The following PLEKHA4 variants were observed in gnomAD, a reference collection of about 807,000 sequenced individuals.
PLEKHA4 encodes pleckstrin homology domain containing A4.
PLEKHA4 carries 73 observed loss-of-function variants against 94.7 expected under a neutral mutation model. That is an observed-to-expected ratio of 0.77 (90% confidence interval 0.64 to 0.94). The LOEUF (loss-of-function observed/expected upper bound fraction) is 0.94. PLEKHA4 is among the 40% of genes least tolerant of loss of function. PLEKHA4 has a pLI of 0.00. For synonymous variants in PLEKHA4, 449 were observed against 437.1 expected (o/e 1.03, Z -0.34); for missense variants, 1,049 against 1,054.1 (o/e 1.00, Z 0.07).
chr19:48,839,920 G>A (rs139841985), intron 17 of PLEKHA4, among the ~76,000 whole-genome samples: 2 of 121,788 alleles, frequency 1.6e-5, no homozygotes, highest in Middle Eastern at 4.1e-3. Context: ...TCAATATGGT[G>A]TAAACCCCGT....
chr19:48,861,307 G>C, intron 5 of PLEKHA4, 94 bp downstream of exon 5: 1 of 1,014,326 alleles, frequency 9.9e-7, no homozygotes, highest in East Asian at 2.4e-5. Context: ...ATATTCCAGT[G>C]CTTGTTAGGA....
rs764337241 is a variant in PLEKHA4, at chr19:48,865,662, G to C, written c.85-52C>G. The C allele has an allele frequency of 2.2e-6, 3 of 1,353,682 alleles. No individual in the cohort carries two copies. In the Admixed American group the frequency reaches 5.5e-5, roughly 25 times the overall value. 83.9% of individuals were successfully genotyped at this position (1,353,682 alleles called of 1,614,324 possible). A position where few individuals can be genotyped will look rare whatever the true frequency, so the allele number is the denominator to read the frequency against. ...ACAGGGAGAGCCTAGGATGGTCCTG[G>C]GAGGGGGTGAGGGTGGACACAGGCA... On this transcript the variant is annotated intron_variant, in intron 2 of 19. Coordinates refer to ENST00000263265, the MANE Select transcript of PLEKHA4 (RefSeq NM_020904.3).
chr19:48,842,720 C>T (rs766309372), intron 16 of PLEKHA4, among the ~76,000 whole-genome samples: 1 of 152,130 alleles, frequency 6.6e-6, no homozygotes, highest in Non-Finnish European at 1.5e-5. Flanking sequence ...CAGAAGTAAG[C>T]CCCTTCTCCA....
intron 16 of PLEKHA4, chr19:48,844,317 G>A (rs1302817159): frequency 3.0e-6 from 1 of 334,236 alleles, no homozygotes; most frequent in Non-Finnish European, 4.2e-6. Context: ...ATCACGCTCG[G>A]ATAATTTTTG....
intron 5 of PLEKHA4, 148 bp downstream of exon 5, chr19:48,861,253 G>GAAT (rs2036627022): frequency 1.3e-6 from 1 of 742,976 alleles, no homozygotes; most frequent in Non-Finnish European, 2.4e-6. Flanking sequence ...AACAAAACGA[G>GAAT]GATGCAATTG....
At chr19:48,857,032 A>G (rs1389479776) in intron 9 of PLEKHA4, among the ~76,000 whole-genome samples, 1 of 152,056 alleles carries the variant, frequency 6.6e-6, no homozygotes, top group East Asian at 1.9e-4. Flanking sequence ...GAGGAGATGG[A>G]CAGCAACAAA....
chr19:48,839,035 C>T (rs1040130889), intron 18 of PLEKHA4, among the ~76,000 whole-genome samples, 170 bp downstream of exon 18: 14 of 152,132 alleles, frequency 9.2e-5, no homozygotes, highest in Admixed American at 2.0e-4. Flanking sequence ...GATATCACTA[C>T]GGATCTAGGG....
Position 48,838,057 on chromosome 19 carries a change from G to A in PLEKHA4, c.2037C>T (p.Ala679=). ...GCCACTGCGACGCCTCAGTAGCCAG[G>A]GCTTGGGAGAGGCTGAGAACCCGCT... The part of the protein sequence containing the change: ...HRERVLSLSQ[A]LATEASQWHR... The change falls in exon 19 of 20, where the codon GCC becomes GCT. Residue 679 remains alanine (A), a synonymous_variant. Coordinates refer to ENST00000263265, the MANE Select transcript of PLEKHA4 (RefSeq NM_020904.3). The A allele has an allele frequency of 6.2e-7, 1 of 1,613,788 alleles. No individual in the cohort carries two copies. Among genetic ancestry groups the A allele is most frequent in the Non-Finnish European group, 8.5e-7 (1 of 1,179,920 alleles).
chr19:48,857,213 C>T (rs1040803845), intron 9 of PLEKHA4, among the ~76,000 whole-genome samples: 1 of 152,134 alleles, frequency 6.6e-6, no homozygotes. Flanking sequence ...TGACTCCAGG[C>T]CTCTGGCCTC....
chr19:48,867,477 C>T lies in PLEKHA4; in HGVS notation c.84+60G>A. On this transcript the variant is annotated intron_variant, in intron 2 of 19. Transcript: ENST00000263265. The surrounding 1 kb of genome is among the most constrained non-coding windows in gnomAD (Gnocchi z 4.7). ...TTAACAACCAGAGTCCTTGGGGAAA[C>T]AGAAGGATGGGCGGCCCAGAGCCCC... is the stretch of plus-strand genomic sequence containing the variant. 2.0e-6 allele frequency: 3 copies of T among 1,530,816 alleles called. No individual in the cohort carries two copies. The highest frequency in any genetic ancestry group is 2.7e-6 in the Non-Finnish European group (3 of 1,130,326). The allele number at this position is 1,530,816 out of a possible 1,614,324, so 94.8% of individuals were successfully genotyped here.
intron 14 of PLEKHA4, among the ~76,000 whole-genome samples, chr19:48,846,263 C>T (rs899831894): frequency 5.3e-5 from 8 of 150,960 alleles, no homozygotes; most frequent in African/African-American, 9.7e-5. Context: ...CTGGCTAAAA[C>T]GGTGAAACCC....
chr19:48,857,803 G>A (rs539096289), intron 8 of PLEKHA4, among the ~76,000 whole-genome samples: 12 of 150,814 alleles, frequency 8.0e-5, no homozygotes, highest in Admixed American at 4.0e-4. Flanking sequence ...CCTCTGCCTA[G>A]GAAAACCAGA....
chr19:48,857,404 G>T lies in PLEKHA4; in HGVS notation c.1047+18C>A. 1.4e-6 allele frequency: 2 copies of T among 1,382,362 alleles called. No homozygotes were observed. The highest frequency in any genetic ancestry group is 2.0e-6 in the Non-Finnish European group (2 of 1,007,026). The allele number at this position is 1,382,362 out of a possible 1,614,324, so 85.6% of individuals were successfully genotyped here. On this transcript the variant is annotated intron_variant, in intron 9 of 19. Coordinates refer to ENST00000263265, the MANE Select transcript of PLEKHA4 (RefSeq NM_020904.3). ...GGGAGGGGGCTCCGGTAGATTTAGGGTACTCCAGGATACCTACCAATAAAA... is the reference window on the plus strand; with the variant it reads ...GGGAGGGGGCTCCGGTAGATTTAGGTTACTCCAGGATACCTACCAATAAAA...
chr19:48,845,267 C>T, intron 16 of PLEKHA4, 103 bp downstream of exon 16: 2 of 1,104,144 alleles, frequency 1.8e-6, no homozygotes, highest in Non-Finnish European at 2.7e-6. Flanking sequence ...GCTCTCTCTG[C>T]TCTGAGTATG....
chr19:48,857,187 A>T (rs1244110819), intron 9 of PLEKHA4, among the ~76,000 whole-genome samples: 1 of 152,128 alleles, frequency 6.6e-6, no homozygotes, highest in Non-Finnish European at 1.5e-5. Context: ...GTGGAAGTAT[A>T]GCCCTGCCAA....
intron 5 of PLEKHA4, among the ~76,000 whole-genome samples, chr19:48,860,877 AGGAAAGGAAAGGAAAGGAAAAT>A (rs756732601): frequency 2.4e-4 from 35 of 147,970 alleles, no homozygotes; most frequent in Non-Finnish European, 4.1e-4. Flanking sequence ...GAAAGGAAAA[AGGAAAGGAAAGGAAAGGAAAAT>A]GGAAAGGAAA....
chr19:48,851,886 G>A (rs1370247142), intron 13 of PLEKHA4, among the ~76,000 whole-genome samples: 2 of 152,158 alleles, frequency 1.3e-5, no homozygotes, highest in Non-Finnish European at 2.9e-5. Flanking sequence ...AGAGGTTGCA[G>A]TGCGCCAAGA....
intron 9 of PLEKHA4, among the ~76,000 whole-genome samples, chr19:48,856,942 A>G (rs1000148653): frequency 1.3e-4 from 16 of 125,932 alleles, no homozygotes; most frequent in Admixed American, 2.3e-4. Flanking sequence ...AAGAAAAGAA[A>G]AAGAAAGAGA....
intron 3 of PLEKHA4, 25 bp downstream of exon 3, chr19:48,865,478 C>G (rs1365775080): frequency 6.3e-7 from 1 of 1,581,492 alleles, no homozygotes; most frequent in Non-Finnish European, 8.7e-7. Context: ...CTTCAGTGTC[C>G]TTTTCCTTCT....
Sources: gnomAD v4.1 joint callset for allele counts (sites outside exome capture counted in the v4.1 genomes callset) on GRCh38, gnomAD v4.1.1 for gene constraint, Gnocchi (gnomAD v3.1) non-coding constraint, MANE v1.5 for transcripts, NCBI Gene and HGNC (gene_info 2026-07-23, HGNC 2026-07-21) for gene names.